MYO10: variants seen among roughly 807,000 people sequenced by gnomAD.
The protein encoded by MYO10 is unconventional myosin-X.
In MYO10, 133 loss-of-function variants were observed where a neutral mutation model predicts 257.3. The observed-to-expected ratio is 0.52, with a 90% confidence interval of 0.45 to 0.60. The LOEUF is 0.60. Ranked by LOEUF, MYO10 falls within the 20% of genes least tolerant of loss-of-function variation. The pLI is 0.00. For synonymous variants in MYO10, 1,104 were observed against 1,028.6 expected (o/e 1.07, Z -1.40); for missense variants, 2,399 against 2,635.7 (o/e 0.91, Z 1.97).
chr5:16,825,453 T>C (rs1742973733), intron 2 of MYO10, among the ~76,000 whole-genome samples: 1 of 152,230 alleles, frequency 6.6e-6, no homozygotes, highest in Non-Finnish European at 1.5e-5. Context: ...ACTACTGTAG[T>C]TTAACAAAAG....
intron 17 of MYO10, among the ~76,000 whole-genome samples, chr5:16,759,654 T>G (rs527546636): frequency 6.6e-6 from 1 of 152,312 alleles, no homozygotes; most frequent in African/African-American, 2.4e-5. Flanking sequence ...TCCACCTCGC[T>G]GGTCTCCAGG....
At chr5:16,678,558 T>C (rs1211079158) in intron 33 of MYO10, among the ~76,000 whole-genome samples, 1 of 152,198 alleles carries the variant, frequency 6.6e-6, no homozygotes, top group East Asian at 1.9e-4. Flanking sequence ...CCAGCCTGGG[T>C]GACAAGCAAG....
chr5:16,677,240 T>C (rs1026009511), intron 33 of MYO10, among the ~76,000 whole-genome samples: 1 of 152,142 alleles, frequency 6.6e-6, no homozygotes, highest in Non-Finnish European at 1.5e-5. Flanking sequence ...TAATATCCAA[T>C]TGAAGGCCAT....
intron 1 of MYO10, among the ~76,000 whole-genome samples, chr5:16,895,264 CA>C (rs1473031457): frequency 6.6e-6 from 1 of 152,222 alleles, no homozygotes; most frequent in Non-Finnish European, 1.5e-5. Flanking sequence ...TCAGGGGAAT[CA>C]AGGGGTGGGA....
At chr5:16,751,975 T>C (rs1740389930) in intron 19 of MYO10, among the ~76,000 whole-genome samples, 1 of 152,186 alleles carries the variant, frequency 6.6e-6, no homozygotes, top group South Asian at 2.1e-4. Context: ...AATCTCAGCA[T>C]GGAAAAATAA....
At position 16,711,358 on chromosome 5, in the gene MYO10, G is replaced by A. The variant is rs543857016; in HGVS notation, c.1930-113C>T. 347 of 1,096,606 alleles carry A rather than the reference G, an allele frequency of 3.2e-4. 2 individuals carry two copies. The highest frequency in any genetic ancestry group is 1.1e-4 in the African/African-American group (7 of 63,016). 67.9% of individuals were successfully genotyped at this position (1,096,606 alleles called of 1,614,324 possible). A position where few individuals can be genotyped will look rare whatever the true frequency, so the allele number is the denominator to read the frequency against. On this transcript the variant is annotated intron_variant, in intron 19 of 40. Coordinates refer to ENST00000513610, the MANE Select transcript of MYO10 (RefSeq NM_012334.3). ...GTTTACCCCGCTTCAAAACACATAC[G>A]AGAATCTTGAACCTACACAGAAATA...
At chr5:16,854,891 G>T (rs79547489) in intron 2 of MYO10, among the ~76,000 whole-genome samples, 1,841 of 152,114 alleles carry the variant, frequency 0.012, 34 homozygotes, top group Middle Eastern at 0.034. Context: ...AATTAGCCGG[G>T]CGTGCGTGGC....
At chr5:16,703,703 G>A (rs929569483) in intron 22 of MYO10, among the ~76,000 whole-genome samples, 2 of 151,914 alleles carry the variant, frequency 1.3e-5, no homozygotes, top group African/African-American at 4.8e-5. Flanking sequence ...CCAACATGGT[G>A]AAACCCTGTC....
chr5:16,663,237 T>C lies in MYO10; in HGVS notation c.*3455A>G, dbSNP rs1198469329. On this transcript the variant is annotated 3_prime_UTR_variant, in exon 41 of 41. Transcript: ENST00000513610. The stretch of plus-strand genomic sequence containing the variant: ...AGCTTAAATTATTTTTGAGAGAATA[T>C]TCAATAAAACAGTAAAAATAGCTGT... The C allele has an allele frequency of 3.3e-5, 5 of 151,032 alleles. No individual in the cohort carries two copies. Among genetic ancestry groups the C allele is most frequent in the Admixed American group, 2.6e-4 (4 of 15,132 alleles). 9.4% of individuals were successfully genotyped at this position (151,032 alleles called of 1,614,324 possible). A position where few individuals can be genotyped will look rare whatever the true frequency, so the allele number is the denominator to read the frequency against.
intron 2 of MYO10, 41 bp from the exon 3 acceptor site, chr5:16,818,208 G>A (rs1257828750): frequency 7.1e-7 from 1 of 1,399,944 alleles, no homozygotes; most frequent in South Asian, 1.7e-5. Context: ...ATTATCAGCA[G>A]TAAGTGATTT....
intron 31 of MYO10, 26 bp downstream of exon 31, chr5:16,681,845 A>G (rs974231992): frequency 6.2e-7 from 1 of 1,611,064 alleles, no homozygotes. Context: ...TGTTAAGCAG[A>G]CCGAGGAAGC....
At chr5:16,731,702 G>A (rs1019001707) in intron 19 of MYO10, among the ~76,000 whole-genome samples, 3 of 152,210 alleles carry the variant, frequency 2.0e-5, no homozygotes, top group Non-Finnish European at 4.4e-5. Context: ...AGACAGAGAG[G>A]AAAGCGTGGA....
At chr5:16,911,668 G>A (rs1375880880) in intron 1 of MYO10, among the ~76,000 whole-genome samples, 1 of 152,054 alleles carries the variant, frequency 6.6e-6, no homozygotes, top group Non-Finnish European at 1.5e-5. Context: ...GGAAATCAAG[G>A]TTGCAGTATG....
intron 19 of MYO10, among the ~76,000 whole-genome samples, chr5:16,751,998 A>C (rs1740390401): frequency 6.6e-6 from 1 of 152,224 alleles, no homozygotes; most frequent in Non-Finnish European, 1.5e-5. Context: ...TCGGTTCTGC[A>C]ATAGTCTGGC....
At chr5:16,706,637 G>A (rs1018820336) in intron 21 of MYO10, among the ~76,000 whole-genome samples, 2 of 152,124 alleles carry the variant, frequency 1.3e-5, no homozygotes, top group Non-Finnish European at 2.9e-5. Context: ...ACGTGAACAA[G>A]TGGAAACCTT....
intron 3 of MYO10, 70 bp downstream of exon 3, chr5:16,817,939 C>T (rs1742673611): frequency 1.6e-6 from 2 of 1,231,770 alleles, no homozygotes; most frequent in Non-Finnish European, 2.1e-6. Flanking sequence ...AAGAAATACT[C>T]TCTGAAAACA....
In MYO10 at chr5:16,766,238, C is replaced by T. The variant is rs548589536; in HGVS notation, c.1061-40G>A. The T allele has an allele frequency of 1.5e-5, 22 of 1,501,222 alleles. No homozygotes were observed. In the African/African-American group the frequency reaches 1.9e-4, roughly 13 times the overall value. 93.0% of individuals were successfully genotyped at this position (1,501,222 alleles called of 1,614,324 possible). On this transcript the variant is annotated intron_variant, in intron 10 of 40. Transcript: ENST00000513610. ...ACAAAGGTGAATGAACCCACCGCCC[C>T]CAAGAAGCTAACCAGGCTTAGCGAT...
intron 1 of MYO10, among the ~76,000 whole-genome samples, chr5:16,900,652 C>T (rs996698332): frequency 3.9e-5 from 6 of 152,010 alleles, no homozygotes; most frequent in African/African-American, 1.5e-4. Flanking sequence ...AATTCCTCTC[C>T]CTAGTCCCCC....
At chr5:16,854,631 G>A (rs1743906901) in intron 2 of MYO10, among the ~76,000 whole-genome samples, 1 of 152,174 alleles carries the variant, frequency 6.6e-6, no homozygotes, top group African/African-American at 2.4e-5. Flanking sequence ...ATCTATTGTA[G>A]TGATAATTTC....
Sources: gnomAD v4.1 joint callset for allele counts (sites outside exome capture counted in the v4.1 genomes callset) on GRCh38, gnomAD v4.1.1 for gene constraint, MANE v1.5 for transcripts, NCBI Gene and HGNC (gene_info 2026-07-23, HGNC 2026-07-21) for gene names.